The following ESRRG variants were observed in gnomAD, a reference collection of about 807,000 sequenced individuals.
ESRRG encodes estrogen related receptor gamma.
ESRRG carries 13 observed loss-of-function variants against 44.0 expected under a neutral mutation model. The observed-to-expected ratio is 0.30, with a 90% CI of 0.19 to 0.47. The LOEUF (loss-of-function observed/expected upper bound fraction) is 0.47, where lower values mean the gene tolerates loss of function less well. ESRRG is among the 20% of genes least tolerant of loss of function. ESRRG has a pLI of 1.00. For missense variants in ESRRG, 395 were observed against 580.6 expected (o/e 0.68, Z 3.29); for synonymous variants, 215 against 214.6 (o/e 1.00, Z -0.02).
chr1:216,695,185 C>G (rs2079886417), intron 1 of ESRRG, among the ~76,000 whole-genome samples: 1 of 151,766 alleles, frequency 6.6e-6, no homozygotes, highest in Non-Finnish European at 1.5e-5. Flanking sequence ...ATTTCTTTGA[C>G]AAAGTACGAT....
intron 2 of ESRRG, among the ~76,000 whole-genome samples, chr1:216,736,330 T>C (rs945619861): frequency 1.3e-5 from 2 of 151,530 alleles, no homozygotes; most frequent in African/African-American, 2.4e-5. Flanking sequence ...ACTACAGCCG[T>C]CCGCCACCAC....
chr1:216,754,595 GATA>G (rs1419595953), intron 2 of ESRRG, among the ~76,000 whole-genome samples: 1 of 151,672 alleles, frequency 6.6e-6, no homozygotes, highest in African/African-American at 2.4e-5. Flanking sequence ...ATGATTCACA[GATA>G]ATCATTCAGC....
At chr1:216,923,069 T>TA (rs749091631) in intron 2 of ESRRG, among the ~76,000 whole-genome samples, 9 of 152,218 alleles carry the variant, frequency 5.9e-5, no homozygotes, top group Non-Finnish European at 1.0e-4. Flanking sequence ...TGTTAGTAGG[T>TA]AAAATCATCT....
intron 6 of ESRRG, among the ~76,000 whole-genome samples, chr1:216,511,494 G>A (rs1302800986): frequency 1.4e-5 from 2 of 148,052 alleles, no homozygotes; most frequent in African/African-American, 5.0e-5. Context: ...TAAAAATTCA[G>A]GGACATTTAC....
chr1:216,789,774 G>A (rs1358020322), intron 2 of ESRRG, among the ~76,000 whole-genome samples: 1 of 152,052 alleles, frequency 6.6e-6, no homozygotes, highest in Non-Finnish European at 1.5e-5. Context: ...TTCTTTCACT[G>A]GTAGAAATAT....
intron 2 of ESRRG, among the ~76,000 whole-genome samples, chr1:216,925,055 G>T (rs2062351034): frequency 6.6e-6 from 1 of 152,086 alleles, no homozygotes; most frequent in South Asian, 2.1e-4. Flanking sequence ...ACCTTATCAA[G>T]CAATAGGAAC....
chr1:216,779,234 TAA>T (rs1181478786), intron 2 of ESRRG, among the ~76,000 whole-genome samples: 2 of 67,194 alleles, frequency 3.0e-5, no homozygotes, highest in African/African-American at 1.8e-4. Context: ...TTTATAAATA[TAA>T]ATATATATTT....
At chr1:217,030,743 G>A (rs1366580265) in intron 1 of ESRRG, among the ~76,000 whole-genome samples, 3 of 152,192 alleles carry the variant, frequency 2.0e-5, no homozygotes, top group African/African-American at 4.8e-5. Flanking sequence ...GTGGCCACTG[G>A]CCACATGCAG....
At chr1:216,989,766 G>A (rs2075404938) in intron 1 of ESRRG, among the ~76,000 whole-genome samples, 1 of 152,088 alleles carries the variant, frequency 6.6e-6, no homozygotes, top group Non-Finnish European at 1.5e-5. Context: ...TGGTTTCCAT[G>A]GGCTTCTACC....
At chr1:217,065,016 G>C (rs1177960425) in intron 1 of ESRRG, among the ~76,000 whole-genome samples, 1 of 152,160 alleles carries the variant, frequency 6.6e-6, no homozygotes, top group Non-Finnish European at 1.5e-5. Context: ...ACATTTTCCT[G>C]ACTCAAGTAC....
At chr1:216,687,845 T>C (rs1466170572) in intron 1 of ESRRG, among the ~76,000 whole-genome samples, 1 of 152,210 alleles carries the variant, frequency 6.6e-6, no homozygotes, top group Admixed American at 6.5e-5. Context: ...GAAATTTTGT[T>C]GAAATCAGTG....
At chr1:217,005,698 G>C (rs2077645375) in intron 1 of ESRRG, among the ~76,000 whole-genome samples, 1 of 151,890 alleles carries the variant, frequency 6.6e-6, no homozygotes, top group South Asian at 2.1e-4. Context: ...CATTAGCATT[G>C]GTTCTTAAAT....
chr1:216,622,514 C>A, intron 3 of ESRRG, among the ~76,000 whole-genome samples: 1 of 152,038 alleles, frequency 6.6e-6, no homozygotes, highest in Non-Finnish European at 1.5e-5. Flanking sequence ...GTTAGAATGG[C>A]CTACACGTTG....
chr1:217,069,359 C>CTTAGTAAACTTAG (rs2090245853), intron 1 of ESRRG, among the ~76,000 whole-genome samples: 1 of 151,628 alleles, frequency 6.6e-6, no homozygotes, highest in South Asian at 2.1e-4. Context: ...TGAGTTAATA[C>CTTAGTAAACTTAG]TTAGTAAACT....
chr1:216,510,805 C>T (rs2042502359), intron 6 of ESRRG, among the ~76,000 whole-genome samples: 1 of 151,938 alleles, frequency 6.6e-6, no homozygotes, highest in Non-Finnish European at 1.5e-5. Context: ...ACCCGGGAGG[C>T]GGAGATGGCA....
At chr1:216,930,857 C>G (rs2063242628) in intron 2 of ESRRG, among the ~76,000 whole-genome samples, 1 of 152,230 alleles carries the variant, frequency 6.6e-6, no homozygotes, top group South Asian at 2.1e-4. Context: ...GAAGGAACTG[C>G]AAATGGGAAG....
intron 1 of ESRRG, among the ~76,000 whole-genome samples, chr1:217,063,340 T>A (rs1433712781): frequency 6.6e-6 from 1 of 152,180 alleles, no homozygotes; most frequent in Non-Finnish European, 1.5e-5. Flanking sequence ...CTCAAAGATA[T>A]CAATAGCACA....
At chr1:216,735,987 A>AAAACAATAT (rs1453476198) in intron 2 of ESRRG, among the ~76,000 whole-genome samples, 1 of 137,092 alleles carries the variant, frequency 7.3e-6, no homozygotes, top group Non-Finnish European at 1.6e-5. Context: ...CTCAAAAAAA[A>AAAACAATAT]ATATATATAT....
At chr1:216,965,144 A>G (rs913440972) in intron 1 of ESRRG, among the ~76,000 whole-genome samples, 11 of 146,092 alleles carry the variant, frequency 7.5e-5, no homozygotes, top group Non-Finnish European at 1.4e-4. Context: ...ATGCAACCGA[A>G]AAGTTACACA....
Sources: allele counts gnomAD v4.1 joint callset (sites outside exome capture counted in the v4.1 genomes callset), GRCh38; gene constraint gnomAD v4.1.1; transcripts MANE v1.5; gene names NCBI Gene and HGNC (gene_info 2026-07-23, HGNC 2026-07-21).